The following PTPRN2 variants were observed in gnomAD, a reference collection of about 807,000 sequenced individuals.
PTPRN2 encodes the protein protein tyrosine phosphatase receptor type N2, also known as receptor-type tyrosine-protein phosphatase N2.
In PTPRN2, 74 loss-of-function variants were observed where a neutral mutation model predicts 118.8. That is an observed-to-expected ratio of 0.62 (90% CI 0.52 to 0.76). The LOEUF is 0.76. Among genes scored for constraint, PTPRN2 ranks in the 30% least tolerant of loss-of-function variants. The pLI is 0.00. For missense variants in PTPRN2, 1,481 were observed against 1,394.4 expected (o/e 1.06, Z -0.99); for synonymous variants, 641 against 608.0 (o/e 1.05, Z -0.80).
chr7:158,055,561 G>A (rs1384452350), intron 11 of PTPRN2, among the ~76,000 whole-genome samples: 1 of 152,184 alleles, frequency 6.6e-6, no homozygotes, highest in Non-Finnish European at 1.5e-5. Flanking sequence ...CCGCCTTCAT[G>A]TTCCATCCTG....
At chr7:158,130,967 CACAT>C (rs1818182549) in intron 9 of PTPRN2, among the ~76,000 whole-genome samples, 1 of 150,834 alleles carries the variant, frequency 6.6e-6, no homozygotes, top group Non-Finnish European at 1.5e-5. Flanking sequence ...ACCCAACACA[CACAT>C]ATACACAAAC....
At chr7:157,561,982 A>G (rs1330237091) in intron 21 of PTPRN2, among the ~76,000 whole-genome samples, 2 of 152,196 alleles carry the variant, frequency 1.3e-5, no homozygotes, top group African/African-American at 4.8e-5. Flanking sequence ...CATCTGCCAG[A>G]GAAGGAATGG....
chr7:157,929,897 C>T lies in PTPRN2; in HGVS notation c.1724-31160G>A, dbSNP rs73517079. 0.013 allele frequency among the ~76,000 whole-genome samples: 2,026 copies of T among 152,274 alleles called. 57 individuals carry two copies. Among genetic ancestry groups the T allele is most frequent in the African/African-American group, 0.047 (1,932 of 41,544 alleles). ...AATCTGAAGGCAGCCCCCACCAACG[C>T]GCTGGCTGCCTTGGGGCCAGGCATG... is the stretch of plus-strand genomic sequence containing the variant. On this transcript the variant is annotated intron_variant, in intron 11 of 22. Coordinates refer to ENST00000389418, the MANE Select transcript of PTPRN2 (RefSeq NM_002847.5). This position sits in a 1 kb window ranked among gnomAD's most constrained non-coding sequence, Gnocchi z 4.4.
At chr7:158,016,997 G>A (rs1022147563) in intron 11 of PTPRN2, among the ~76,000 whole-genome samples, 1 of 152,146 alleles carries the variant, frequency 6.6e-6, no homozygotes, top group Non-Finnish European at 1.5e-5. Context: ...AAAACATTGC[G>A]TTTGGTATAA....
Position 158,333,360 on chromosome 7 carries a change from A to C in PTPRN2, c.164-16428T>G, listed in dbSNP as rs1804886026. Among the ~76,000 whole-genome samples the C allele has an allele frequency of 2.8e-5, 4 of 142,978 alleles. No homozygotes were observed. The South Asian group carries it at 8.6e-4, about 31-fold the overall frequency. 93.8% of individuals were successfully genotyped at this position (142,978 alleles called of 152,430 possible). ...ATAAGAGGTGACACCTGCAGACGTCACTCACACCCACACTCGCACCATAAG... is the reference window on the plus strand; with the variant it reads ...ATAAGAGGTGACACCTGCAGACGTCCCTCACACCCACACTCGCACCATAAG... On this transcript the variant is annotated intron_variant, in intron 2 of 22. Coordinates refer to ENST00000389418, the MANE Select transcript of PTPRN2 (RefSeq NM_002847.5).
rs1329381779 is a variant in PTPRN2, at chr7:157,780,222, A to G, written c.1789-97285T>C. On this transcript the variant is annotated intron_variant, in intron 12 of 22. Coordinates refer to ENST00000389418, the MANE Select transcript of PTPRN2 (RefSeq NM_002847.5). This position sits in a 1 kb window ranked among gnomAD's most constrained non-coding sequence, Gnocchi z 4.5. ...CTCCTGGTCTACCTCCAGCACAAGG[A>G]CGTTCCTCAGAGCAAGGCATTTGCT... is the stretch of plus-strand genomic sequence containing the variant. Among the ~76,000 whole-genome samples the G allele has an allele frequency of 6.6e-6, 1 of 152,162 alleles. No individual in the cohort carries two copies. Among genetic ancestry groups the G allele is most frequent in the Non-Finnish European group, 1.5e-5 (1 of 68,034 alleles).
rs1796559037 is a variant in PTPRN2, at chr7:157,674,350, T to A, written c.2001+8375A>T. Among the ~76,000 whole-genome samples, 1 of 152,154 alleles carries A rather than the reference T, an allele frequency of 6.6e-6. No homozygotes were observed. The highest frequency in any genetic ancestry group is 1.5e-5 in the Non-Finnish European group (1 of 68,014). The stretch of plus-strand genomic sequence containing the variant: ...GAGGCGGCCGGCAGATCAGCCTTCC[T>A]TATCCACGTCCTCGAAGTGATCCCC... On this transcript the variant is annotated intron_variant, in intron 13 of 22. Transcript: ENST00000389418. This position sits in a 1 kb window ranked among gnomAD's most constrained non-coding sequence, Gnocchi z 4.5.
intron 1 of PTPRN2, among the ~76,000 whole-genome samples, chr7:158,515,267 A>G (rs750953344): frequency 1.3e-4 from 19 of 151,050 alleles, no homozygotes; most frequent in Non-Finnish European, 2.4e-4. Flanking sequence ...GCTCACCGCA[A>G]CCTCTGCCTC....
rs1827518477 is a variant in PTPRN2, at chr7:158,563,725, G to C, written c.112+23833C>G. Among the ~76,000 whole-genome samples the C allele has an allele frequency of 6.6e-6, 1 of 152,250 alleles. No individual in the cohort carries two copies. Among genetic ancestry groups the C allele is most frequent in the Non-Finnish European group, 1.5e-5 (1 of 68,052 alleles). On this transcript the variant is annotated intron_variant, in intron 1 of 22. Transcript: ENST00000389418. This position sits in a 1 kb window ranked among gnomAD's most constrained non-coding sequence, Gnocchi z 5.1. Reference sequence around the variant, plus strand: ...ACTGATGTGTGAGGGGAGAAGAGAGGGGCCTTCCATCTAGGGGCACAGTCT... The same window carrying C: ...ACTGATGTGTGAGGGGAGAAGAGAGCGGCCTTCCATCTAGGGGCACAGTCT...
At chr7:157,951,342 G>A (rs188665508) in intron 11 of PTPRN2, among the ~76,000 whole-genome samples, 2 of 152,334 alleles carry the variant, frequency 1.3e-5, no homozygotes, top group African/African-American at 4.8e-5. Context: ...ATTAACATAT[G>A]ACTGGGGATG....
intron 11 of PTPRN2, among the ~76,000 whole-genome samples, chr7:157,937,115 CT>C (rs1799758039): frequency 6.6e-6 from 1 of 152,218 alleles, no homozygotes; most frequent in South Asian, 2.1e-4. Context: ...CTCCGGACCC[CT>C]GAACACCGTG....
At chr7:158,135,277 C>T (rs1818709498) in intron 8 of PTPRN2, among the ~76,000 whole-genome samples, 1 of 152,154 alleles carries the variant, frequency 6.6e-6, no homozygotes, top group South Asian at 2.1e-4. Flanking sequence ...CAAATTACAA[C>T]TTTTCCTTTT....
chr7:158,514,747 A>T (rs1823412795), intron 1 of PTPRN2, among the ~76,000 whole-genome samples: 1 of 152,244 alleles, frequency 6.6e-6, no homozygotes, highest in African/African-American at 2.4e-5. Context: ...CATTTGGAAG[A>T]TATTTATGAA....
intron 12 of PTPRN2, among the ~76,000 whole-genome samples, chr7:157,852,817 C>T (rs1171885683): frequency 2.9e-4 from 41 of 139,904 alleles, no homozygotes; most frequent in Admixed American, 1.6e-3. Flanking sequence ...TGCAGTGAGC[C>T]AAGATCGCAC....
In PTPRN2 at chr7:158,146,814, C is replaced by A. The variant is rs140912707; in HGVS notation, c.911-8299G>T. Among the ~76,000 whole-genome samples, 332 of 151,998 alleles carry A rather than the reference C, an allele frequency of 2.2e-3. 2 individuals are homozygous for A. Among genetic ancestry groups the A allele is most frequent in the African/African-American group, 7.7e-3 (318 of 41,402 alleles). On this transcript the variant is annotated intron_variant, in intron 6 of 22. Coordinates refer to ENST00000389418, the MANE Select transcript of PTPRN2 (RefSeq NM_002847.5). The stretch of plus-strand genomic sequence containing the variant: ...AACATTGTTCTCACACCAGCACAGA[C>A]ACACTAAAATGTTTTGGAGGCCAGA...
chr7:157,869,538 C>T lies in PTPRN2; in HGVS notation c.1788+29135G>A, dbSNP rs1486677823. ...TCAAACCCACCATTTAGTCCATTCC[C>T]AAGGCACTGAGGACCTTGGGAATTT... On this transcript the variant is annotated intron_variant, in intron 12 of 22. Transcript: ENST00000389418. This position sits in a 1 kb window ranked among gnomAD's most constrained non-coding sequence, Gnocchi z 4.2. 6.6e-6 allele frequency among the ~76,000 whole-genome samples: 1 copy of T among 152,172 alleles called. No homozygotes were observed. The highest frequency in any genetic ancestry group is 2.4e-5 in the African/African-American group (1 of 41,444).
chr7:157,604,877 T>C (rs1585096140), intron 15 of PTPRN2, among the ~76,000 whole-genome samples: 1 of 152,166 alleles, frequency 6.6e-6, no homozygotes, highest in Non-Finnish European at 1.5e-5. Context: ...GTGGCCGCCC[T>C]CCTCTTTGCT....
chr7:158,271,401 A>G (rs1038851238), intron 3 of PTPRN2, among the ~76,000 whole-genome samples: 2 of 152,226 alleles, frequency 1.3e-5, no homozygotes, highest in Non-Finnish European at 2.9e-5. Context: ...AAAGTATTCA[A>G]TTACATAATT....
At chr7:157,556,817 C>T (rs913476426) in intron 21 of PTPRN2, among the ~76,000 whole-genome samples, 148 of 31,034 alleles carry the variant, frequency 4.8e-3, no homozygotes, top group Non-Finnish European at 6.9e-3. Context: ...TCATGTCATA[C>T]ATATGCACAC....
Sources: allele counts gnomAD v4.1 joint callset (sites outside exome capture counted in the v4.1 genomes callset), GRCh38; gene constraint gnomAD v4.1.1; non-coding constraint Gnocchi (gnomAD v3.1); transcripts MANE v1.5; gene names NCBI Gene and HGNC (gene_info 2026-07-23, HGNC 2026-07-21).